Variants in GREB1L observed in about 807,000 individuals in gnomAD.
GREB1L encodes GREB1-like protein.
In GREB1L, 17 loss-of-function variants were observed where a neutral mutation model predicts 200.8. The ratio of observed to expected loss-of-function variants is 0.08; its 90% CI spans 0.06 to 0.13. The LOEUF (loss-of-function observed/expected upper bound fraction) is 0.13, where lower values mean the gene tolerates loss of function less well. Ranked by LOEUF, GREB1L falls within the 10% of genes least tolerant of loss-of-function variation. The pLI is 1.00. For missense variants in GREB1L, 1,657 were observed against 2,367.7 expected, an observed-to-expected ratio of 0.70 and a Z score of 6.23; for synonymous variants, 789 against 893.0, an observed-to-expected ratio of 0.88 and a Z score of 2.08.
At chr18:21,522,409 G>A (rs1361982941) in intron 32 of GREB1L, among the ~76,000 whole-genome samples, 3 of 152,064 alleles carry the variant, frequency 2.0e-5, no homozygotes, top group Non-Finnish European at 4.4e-5. Context: ...AGGAGGCAGA[G>A]GTTGCAGTGA....
intron 1 of GREB1L, among the ~76,000 whole-genome samples, chr18:21,332,426 A>G (rs1434548890): frequency 6.6e-6 from 1 of 152,156 alleles, no homozygotes. Context: ...GCCTGTACCT[A>G]CAAAACAAAC....
At chr18:21,245,788 A>G (rs974798803) in intron 1 of GREB1L, among the ~76,000 whole-genome samples, 2 of 151,908 alleles carry the variant, frequency 1.3e-5, no homozygotes, top group African/African-American at 4.8e-5. Flanking sequence ...TGCGATCTCC[A>G]CTCACTGCAA....
intron 18 of GREB1L, 50 bp downstream of exon 18, chr18:21,485,803 A>T: frequency 6.5e-7 from 1 of 1,530,440 alleles, no homozygotes. Flanking sequence ...GTACTTGCAG[A>T]TCTAAAATAG....
chr18:21,496,339 G>A, intron 20 of GREB1L, 115 bp from the exon 21 acceptor site: 3 of 1,130,702 alleles, frequency 2.7e-6, no homozygotes, highest in Non-Finnish European at 3.8e-6. Context: ...AGGCTCACCT[G>A]GCACTGAAAC....
intron 1 of GREB1L, among the ~76,000 whole-genome samples, chr18:21,358,644 G>A (rs2039540391): frequency 4.6e-5 from 7 of 152,164 alleles, no homozygotes; most frequent in Admixed American, 4.6e-4. Context: ...CAGCTAAGCT[G>A]TGAGGACACA....
At chr18:21,299,323 G>A (rs1193518600) in intron 1 of GREB1L, among the ~76,000 whole-genome samples, 2 of 150,190 alleles carry the variant, frequency 1.3e-5, no homozygotes, top group African/African-American at 4.9e-5. Flanking sequence ...TAAATATCCA[G>A]TATTCATTTT....
At chr18:21,485,000 A>G (rs1941409253) in intron 17 of GREB1L, among the ~76,000 whole-genome samples, 2 of 152,172 alleles carry the variant, frequency 1.3e-5, no homozygotes, top group African/African-American at 4.8e-5. Context: ...AGGATAAGCA[A>G]CTTGTCACAC....
chr18:21,387,581 G>T (rs371415286), intron 4 of GREB1L: 1 of 152,126 alleles, frequency 6.6e-6, no homozygotes. Flanking sequence ...AGATCTTCTC[G>T]TAGCCTCTAA....
rs757281403 is a variant in GREB1L, at chr18:21,522,858, G to A, written c.*37G>A. On this transcript the variant is annotated 3_prime_UTR_variant, in exon 33 of 33. Coordinates refer to ENST00000424526, the MANE Select transcript of GREB1L (RefSeq NM_001142966.3). ...GACCAAAACAGCAAAAAGATGCCTAGGTGGGATGGGACAGAAACAATTTGG... is the reference window on the plus strand; with the variant it reads ...GACCAAAACAGCAAAAAGATGCCTAAGTGGGATGGGACAGAAACAATTTGG... The A allele has an allele frequency of 3.8e-4, 575 of 1,508,216 alleles. No individual in the cohort carries two copies. Among genetic ancestry groups the A allele is most frequent in the Non-Finnish European group, 4.8e-4 (542 of 1,121,914 alleles). The allele number at this position is 1,508,216 out of a possible 1,614,324, so 93.4% of individuals were successfully genotyped here. A position where few individuals can be genotyped will look rare whatever the true frequency, so the allele number is the denominator to read the frequency against.
chr18:21,424,359 G>C (rs1263419751), intron 7 of GREB1L, among the ~76,000 whole-genome samples: 2 of 152,162 alleles, frequency 1.3e-5, no homozygotes, highest in African/African-American at 4.8e-5. Context: ...CTTGAGGCCA[G>C]GAGTTCGAGA....
At chr18:21,283,308 A>G (rs1324724074) in intron 1 of GREB1L, among the ~76,000 whole-genome samples, 2 of 152,218 alleles carry the variant, frequency 1.3e-5, no homozygotes, top group African/African-American at 4.8e-5. Context: ...AGAGTGAAGA[A>G]AGGCAGGAAT....
chr18:21,318,220 C>G (rs1240430767), intron 1 of GREB1L, among the ~76,000 whole-genome samples: 1 of 151,658 alleles, frequency 6.6e-6, no homozygotes, highest in Admixed American at 6.6e-5. Flanking sequence ...CATTTCAGAA[C>G]TTGGTATGTA....
chr18:21,436,333 G>A (rs1342255816), intron 7 of GREB1L, among the ~76,000 whole-genome samples: 1 of 152,150 alleles, frequency 6.6e-6, no homozygotes, highest in Admixed American at 6.5e-5. Context: ...GCTGAGGCAA[G>A]CTGTGAACAA....
chr18:21,407,066 G>A (rs2144627069), intron 7 of GREB1L, among the ~76,000 whole-genome samples: 1 of 151,896 alleles, frequency 6.6e-6, no homozygotes, highest in South Asian at 2.1e-4. Flanking sequence ...GTAGAGACGG[G>A]GTTTCTTCAT....
At chr18:21,245,825 C>G (rs1401400792) in intron 1 of GREB1L, among the ~76,000 whole-genome samples, 1 of 152,206 alleles carries the variant, frequency 6.6e-6, no homozygotes, top group African/African-American at 2.4e-5. Flanking sequence ...TCACGCCATT[C>G]TCCTGCCTCA....
At chr18:21,353,157 A>G (rs1220679229) in intron 1 of GREB1L, among the ~76,000 whole-genome samples, 3 of 151,650 alleles carry the variant, frequency 2.0e-5, no homozygotes, top group Non-Finnish European at 2.9e-5. Context: ...ACTCCAGCCT[A>G]GGTGACAAAG....
intron 15 of GREB1L, among the ~76,000 whole-genome samples, chr18:21,470,217 G>A (rs2035427811): frequency 6.6e-6 from 1 of 152,084 alleles, no homozygotes; most frequent in Non-Finnish European, 1.5e-5. Context: ...GAGCCCAGTA[G>A]CTCAAGGCCA....
intron 7 of GREB1L, among the ~76,000 whole-genome samples, chr18:21,437,771 G>A (rs1413488881): frequency 6.6e-6 from 1 of 152,176 alleles, no homozygotes; most frequent in Non-Finnish European, 1.5e-5. Context: ...TTTCAGGGAC[G>A]TAGCCACTAA....
intron 21 of GREB1L, 121 bp from the exon 22 acceptor site, chr18:21,499,608 T>C: frequency 1.5e-6 from 1 of 667,638 alleles, no homozygotes; most frequent in Non-Finnish European, 2.6e-6. Flanking sequence ...GATTTCTTGC[T>C]CAGGGTCTGC....
Sources: gnomAD v4.1 joint callset for allele counts (sites outside exome capture counted in the v4.1 genomes callset) on GRCh38, gnomAD v4.1.1 for gene constraint, MANE v1.5 for transcripts, NCBI Gene and HGNC (gene_info 2026-07-23, HGNC 2026-07-21) for gene names.